RBM41: variants seen among roughly 807,000 people sequenced by gnomAD.
RBM41 encodes RNA-binding protein 41.
Under a neutral mutation model 30.8 loss-of-function variants are expected in RBM41, and 14 were observed. The observed-to-expected ratio is 0.45, with a 90% confidence interval of 0.30 to 0.71. The LOEUF (loss-of-function observed/expected upper bound fraction) is 0.71, where lower values mean the gene tolerates loss of function less well. Ranked by LOEUF, RBM41 falls within the 30% of genes least tolerant of loss-of-function variation. The pLI, the probability that RBM41 is intolerant of heterozygous loss-of-function variation, is 0.08. For missense variants in RBM41, 276 were observed against 326.3 expected, an observed-to-expected ratio of 0.85 and a Z score of 1.19; for synonymous variants, 120 against 110.1, an observed-to-expected ratio of 1.09 and a Z score of -0.56.
rs1935963674 is a variant in RBM41, at chrX:107,069,413, T to C, written c.1000-11A>G. 2 of 1,182,467 alleles carry C rather than the reference T, an allele frequency of 1.7e-6. No individual in the cohort carries two copies. Among genetic ancestry groups the C allele is most frequent in the African/African-American group, 1.8e-5 (1 of 56,119 alleles). ...CTTCAGGTATAATACCTAAAACAAA[T>C]TGAGGATCAACCAAAATATCATATA... On this transcript the variant is annotated splice_polypyrimidine_tract_variant and intron_variant, in intron 6 of 7. Coordinates refer to ENST00000685964, the MANE Select transcript of RBM41 (RefSeq NM_001324242.2).
At chrX:107,093,145 G>A (rs893441145) in intron 5 of RBM41, among the ~76,000 whole-genome samples, 3 of 111,287 alleles carry the variant, frequency 2.7e-5, no homozygotes, top group Non-Finnish European at 5.7e-5. Flanking sequence ...GTAGAGCTAA[G>A]TGAATTACAT....
At chrX:107,054,630 G>A in the RBM41 span, among the ~76,000 whole-genome samples, 1 of 111,986 alleles carries the variant, frequency 8.9e-6, no homozygotes, top group South Asian at 3.7e-4. Flanking sequence ...GTTATGCCAA[G>A]GAACCCTCTT....
intron 6 of RBM41, among the ~76,000 whole-genome samples, chrX:107,073,257 T>C (rs1179849546): frequency 8.9e-6 from 1 of 111,750 alleles, no homozygotes; most frequent in Non-Finnish European, 1.9e-5. Flanking sequence ...GGGATTAATA[T>C]CCAGACTATA....
At position 107,115,215 on chromosome X, in the gene RBM41, T is replaced by C. The variant is rs952248058; in HGVS notation, c.523+137A>G. ...ACTGTGCACATATTTGTCTCTCTTA[T>C]GGTATTATACATTTCTCAAAAGTAG... On this transcript the variant is annotated intron_variant, in intron 4 of 7. Transcript: ENST00000685964. 4.6e-5 allele frequency: 28 copies of C among 610,969 alleles called. No homozygotes were observed. In the Middle Eastern group the frequency reaches 1.5e-3, roughly 33 times the overall value. The allele number at this position is 610,969 out of a possible 1,213,427, so 50.4% of individuals were successfully genotyped here. A position where few individuals can be genotyped will look rare whatever the true frequency, so the allele number is the denominator to read the frequency against.
chrX:107,092,026 G>A (rs900812153), intron 5 of RBM41, among the ~76,000 whole-genome samples: 2 of 111,819 alleles, frequency 1.8e-5, no homozygotes, highest in Non-Finnish European at 3.8e-5. Flanking sequence ...GTTTAAAATA[G>A]ATTCCCTGAA....
chrX:107,058,899 CT>C (rs762651398), downstream of RBM41, among the ~76,000 whole-genome samples: 3 of 110,642 alleles, frequency 2.7e-5, no homozygotes, highest in African/African-American at 9.9e-5. Flanking sequence ...TCTTGGGTCT[CT>C]TTTTTTTGTT....
chrX:107,065,700 A>C lies in RBM41; in HGVS notation c.*1827T>G. 1 of 1,123,670 alleles carries C rather than the reference A, an allele frequency of 8.9e-7. No homozygotes were observed. The highest frequency in any genetic ancestry group is 3.4e-5 in the East Asian group (1 of 29,739). The allele number at this position is 1,123,670 out of a possible 1,213,427, so 92.6% of individuals were successfully genotyped here. A position where few individuals can be genotyped will look rare whatever the true frequency, so the allele number is the denominator to read the frequency against. ...CCATTTGTTCCTGTGGATTTGTCTTACCATCTGGAGTCAGTTCTTTAGTAC... is the reference window on the plus strand; with the variant it reads ...CCATTTGTTCCTGTGGATTTGTCTTCCCATCTGGAGTCAGTTCTTTAGTAC... On this transcript the variant is annotated 3_prime_UTR_variant, in exon 8 of 8. Transcript: ENST00000685964.
intron 6 of RBM41, among the ~76,000 whole-genome samples, chrX:107,077,828 T>G (rs1921124666): frequency 9.0e-6 from 1 of 111,524 alleles, no homozygotes; most frequent in Admixed American, 9.5e-5. Context: ...GGATTTTAAT[T>G]TTAGAACAGT....
downstream of RBM41, among the ~76,000 whole-genome samples, chrX:107,058,120 C>T (rs148732657): frequency 0.025 from 2,696 of 108,419 alleles, 99 homozygotes; most frequent in African/African-American, 0.085. Flanking sequence ...ATGGTGAAAC[C>T]CTGTCTCTAC....
rs1262549723 is a variant in RBM41 at position 107,090,520 on chromosome X, G to A, written c.596-1681C>T. On this transcript the variant is annotated intron_variant, in intron 5 of 7. Transcript: ENST00000685964. ...ATTATCCCACTTAAGACCAGTGGGA[G>A]CCCCTTCAAATCGGCTCCTGTATTG... Among the ~76,000 whole-genome samples the A allele has an allele frequency of 5.4e-5, 6 of 111,779 alleles. 1 individual carries two copies. Among genetic ancestry groups the A allele is most frequent in the Non-Finnish European group, 1.1e-4 (6 of 53,169 alleles).
At chrX:107,075,450 A>G (rs763326632) in intron 6 of RBM41, among the ~76,000 whole-genome samples, 11 of 112,235 alleles carry the variant, frequency 9.8e-5, no homozygotes, top group East Asian at 2.8e-4. Flanking sequence ...CAAAGGAAAC[A>G]ATAGAGTGAA....
Position 107,069,275 on chromosome X carries a change from T to A in RBM41, c.1127A>T (p.Gln376Leu). ...CTTACTGGGAAAGGTGATAAAAGCC[T>A]GGCCCCTCATTCGTCCAGTCATCAT... The part of the protein sequence containing the change: ...FRMMTGRMRG[Q>L]AFITFPNKEI... The change falls in exon 7 of 8, where the codon CAG (glutamine) becomes CTG (leucine). Residue 376 changes from glutamine to leucine, a missense_variant. Coordinates refer to ENST00000685964, the MANE Select transcript of RBM41 (RefSeq NM_001324242.2). The A allele has an allele frequency of 1.7e-6, 2 of 1,207,532 alleles. No individual in the cohort carries two copies. The highest frequency in any genetic ancestry group is 3.5e-5 in the African/African-American group (2 of 57,495).
At position 107,065,508 on chromosome X, in the gene RBM41, G is replaced by A. The variant is rs533445188; in HGVS notation, c.*2019C>T. ...CTATTCCTATATAAACCCATCCCCCGCTTTGTGGTATTATTGTTATATATG... is the reference window on the plus strand; with the variant it reads ...CTATTCCTATATAAACCCATCCCCCACTTTGTGGTATTATTGTTATATATG... On this transcript the variant is annotated 3_prime_UTR_variant, in exon 8 of 8. Coordinates refer to ENST00000685964, the MANE Select transcript of RBM41 (RefSeq NM_001324242.2). 19 of 249,342 alleles carry A rather than the reference G, an allele frequency of 7.6e-5. No homozygotes were observed. The highest frequency in any genetic ancestry group is 3.3e-4 in the Admixed American group (5 of 15,062). The allele number at this position is 249,342 out of a possible 1,213,427, so 20.5% of individuals were successfully genotyped here.
intron 6 of RBM41, among the ~76,000 whole-genome samples, chrX:107,086,823 G>A (rs954381378): frequency 1.8e-5 from 2 of 111,875 alleles, no homozygotes; most frequent in African/African-American, 6.5e-5. Flanking sequence ...AAATCTTCAG[G>A]AAAGTGGATA....
At chrX:107,101,392 G>C (rs1473591703) in intron 5 of RBM41, among the ~76,000 whole-genome samples, 1 of 111,780 alleles carries the variant, frequency 8.9e-6, no homozygotes, top group East Asian at 2.8e-4. Context: ...CAGAACCTAA[G>C]AATATGACCT....
chrX:107,077,134 G>A (rs909737165), intron 6 of RBM41, among the ~76,000 whole-genome samples: 1 of 111,160 alleles, frequency 9.0e-6, no homozygotes, highest in African/African-American at 3.3e-5. Flanking sequence ...TGTTCCCTTT[G>A]ATATGAATTT....
At chrX:107,106,625 T>A (rs1924018692) in intron 5 of RBM41, among the ~76,000 whole-genome samples, 1 of 111,327 alleles carries the variant, frequency 9.0e-6, no homozygotes, top group Non-Finnish European at 1.9e-5. Context: ...AATGCAAATG[T>A]CCAACAATGA....
At chrX:107,118,377 C>CAGGTGG (rs1026838958) in intron 1 of RBM41, among the ~76,000 whole-genome samples, 10 of 111,856 alleles carry the variant, frequency 8.9e-5, no homozygotes, top group African/African-American at 2.0e-4. Flanking sequence ...GAGCCTTTCT[C>CAGGTGG]AGGTGGAGGT....
chrX:107,103,909 G>A (rs1426590094), intron 5 of RBM41, among the ~76,000 whole-genome samples: 1 of 110,982 alleles, frequency 9.0e-6, no homozygotes, highest in Non-Finnish European at 1.9e-5. Flanking sequence ...TGTTGATAGG[G>A]GTTAGGTTAC....
Sources: allele counts gnomAD v4.1 joint callset (sites outside exome capture counted in the v4.1 genomes callset), GRCh38; gene constraint gnomAD v4.1.1; transcripts MANE v1.5; gene names NCBI Gene and HGNC (gene_info 2026-07-23, HGNC 2026-07-21).